GALNT2: variants seen among roughly 807,000 people sequenced by gnomAD.
GALNT2 encodes polypeptide N-acetylgalactosaminyltransferase 2.
Under a neutral mutation model 81.4 loss-of-function variants are expected in GALNT2, and 31 were observed. The ratio of observed to expected loss-of-function variants is 0.38; its 90% CI spans 0.29 to 0.51. The LOEUF is 0.51. GALNT2 is among the 20% of genes least tolerant of loss of function. The pLI is 0.87. For missense variants in GALNT2, 629 were observed against 765.7 expected, an observed-to-expected ratio of 0.82 and a Z score of 2.11; for synonymous variants, 303 against 287.4, an observed-to-expected ratio of 1.05 and a Z score of -0.55.
intron 2 of GALNT2, among the ~76,000 whole-genome samples, chr1:230,191,003 C>T (rs1411218794): frequency 6.6e-6 from 1 of 152,178 alleles, no homozygotes; most frequent in Non-Finnish European, 1.5e-5. Context: ...GCCATTTTAT[C>T]TTCCACAGGG....
chr1:230,266,662 A>G (rs1216326096), intron 14 of GALNT2, among the ~76,000 whole-genome samples: 1 of 152,142 alleles, frequency 6.6e-6, no homozygotes, highest in African/African-American at 2.4e-5. Flanking sequence ...CCTAAATTAG[A>G]AGAGAGAGAG....
intron 1 of GALNT2, among the ~76,000 whole-genome samples, chr1:230,106,664 G>A (rs1175628809): frequency 6.6e-6 from 1 of 152,168 alleles, no homozygotes; most frequent in Non-Finnish European, 1.5e-5. Context: ...TGATATTATT[G>A]TTTGGCCTCT....
At chr1:230,215,332 C>T (rs114720807) in intron 3 of GALNT2, among the ~76,000 whole-genome samples, 6,743 of 152,328 alleles carry the variant, frequency 0.044, 195 homozygotes, top group Non-Finnish European at 0.064. Flanking sequence ...GGCTCTATGC[C>T]GTTTGAGGGG....
At chr1:230,220,281 G>T (rs193084198) in intron 3 of GALNT2, among the ~76,000 whole-genome samples, 6 of 147,932 alleles carry the variant, frequency 4.1e-5, no homozygotes, top group African/African-American at 1.2e-4. Context: ...AGGTGTTTTT[G>T]TTTTTTTTTT....
intron 1 of GALNT2, among the ~76,000 whole-genome samples, chr1:230,126,373 G>A (rs995603563): frequency 4.6e-5 from 7 of 152,186 alleles, no homozygotes; most frequent in Non-Finnish European, 8.8e-5. Flanking sequence ...TTTGGGGCCC[G>A]CTGGGGTGCT....
chr1:230,084,591 G>A (rs1023236669), intron 1 of GALNT2, among the ~76,000 whole-genome samples: 2 of 152,108 alleles, frequency 1.3e-5, no homozygotes, highest in African/African-American at 4.8e-5. Context: ...ATGAGGCTGA[G>A]ACTGGTGGGC....
In GALNT2 at chr1:230,193,674, C is replaced by G. The variant is rs1485949829; in HGVS notation, c.221-9463C>G. ...TTGGAAAGGTAGCATTATTTTAAAC[C>G]AACATTTATTTGAACAAGTCATCCA... is the stretch of plus-strand genomic sequence containing the variant. On this transcript the variant is annotated intron_variant, in intron 2 of 15. Coordinates refer to ENST00000366672, the MANE Select transcript of GALNT2 (RefSeq NM_004481.5). The surrounding 1 kb of genome is among the most constrained non-coding windows in gnomAD (Gnocchi z 4.3). 6.6e-6 allele frequency among the ~76,000 whole-genome samples: 1 copy of G among 151,974 alleles called. No homozygotes were observed. Among genetic ancestry groups the G allele is most frequent in the African/African-American group, 2.4e-5 (1 of 41,358 alleles).
intron 11 of GALNT2, among the ~76,000 whole-genome samples, chr1:230,260,301 T>G (rs1313975209): frequency 6.6e-6 from 1 of 152,226 alleles, no homozygotes; most frequent in East Asian, 1.9e-4. Context: ...GCACTGAGAC[T>G]GTTTGGTGTA....
In GALNT2 at chr1:230,222,031, C is replaced by CTTTTTTT. The variant is rs564681409; in HGVS notation, c.375-13976_375-13970dup. Among the ~76,000 whole-genome samples the CTTTTTTT allele has an allele frequency of 3.5e-4, 34 of 96,128 alleles. 5 individuals are homozygous for CTTTTTTT. Among genetic ancestry groups the CTTTTTTT allele is most frequent in the African/African-American group, 1.3e-3 (25 of 19,570 alleles). 63.1% of individuals were successfully genotyped at this position (96,128 alleles called of 152,430 possible). A position where few individuals can be genotyped will look rare whatever the true frequency, so the allele number is the denominator to read the frequency against. On this transcript the variant is annotated intron_variant, in intron 3 of 15. Transcript: ENST00000366672. Reference sequence around the variant, plus strand: ...TTTATATACATTTCACTGCTTTTCTCTTTTTTTTTTTTTGAGACAGAGTCT... The same window carrying CTTTTTTT: ...TTTATATACATTTCACTGCTTTTCTCTTTTTTTTTTTTTTTTTTTTGAGACAGAGTCT...
At chr1:230,170,372 A>G (rs1662751877) in intron 1 of GALNT2, among the ~76,000 whole-genome samples, 1 of 152,318 alleles carries the variant, frequency 6.6e-6, no homozygotes, top group Admixed American at 6.5e-5. Context: ...TTCTATTCTA[A>G]TGATGAGTAG....
upstream of GALNT2, among the ~76,000 whole-genome samples, chr1:230,063,521 G>A (rs977593914): frequency 6.6e-6 from 1 of 152,116 alleles, no homozygotes; most frequent in African/African-American, 2.4e-5. Flanking sequence ...GTCACATCTA[G>A]CTATTCTTCT....
intron 1 of GALNT2, among the ~76,000 whole-genome samples, chr1:230,083,189 A>G (rs1315163368): frequency 2.9e-5 from 4 of 138,746 alleles, no homozygotes; most frequent in East Asian, 2.3e-4. Flanking sequence ...ATGATGGAGC[A>G]GGGAGCCAGG....
rs1355781583 is a variant in GALNT2 at position 230,279,634 on chromosome 1, C to A, written c.*176C>A. On this transcript the variant is annotated 3_prime_UTR_variant, in exon 16 of 16. Coordinates refer to ENST00000366672, the MANE Select transcript of GALNT2 (RefSeq NM_004481.5). The surrounding 1 kb of genome is among the most constrained non-coding windows in gnomAD (Gnocchi z 4.6). ...GACGACTGTGCAGACACAGCAGCGG[C>A]AAGAAGCGAGAACTGCCCTCCCCCT... 15 of 795,140 alleles carry A rather than the reference C, an allele frequency of 1.9e-5. No homozygotes were observed. The highest frequency in any genetic ancestry group is 2.9e-5 in the Non-Finnish European group (15 of 515,266). The allele number at this position is 795,140 out of a possible 1,614,324, so 49.3% of individuals were successfully genotyped here.
intron 8 of GALNT2, among the ~76,000 whole-genome samples, chr1:230,248,412 T>G (rs972641865): frequency 2.6e-5 from 4 of 152,170 alleles, no homozygotes; most frequent in Non-Finnish European, 5.9e-5. Flanking sequence ...GGCCTCCTGA[T>G]GCACCAGGAC....
At chr1:230,115,467 A>T (rs1660818359) in intron 1 of GALNT2, among the ~76,000 whole-genome samples, 1 of 152,210 alleles carries the variant, frequency 6.6e-6, no homozygotes, top group Non-Finnish European at 1.5e-5. Context: ...GCCGTCTGTG[A>T]ATAGGGCAGT....
chr1:230,127,770 G>A (rs1357413066), intron 1 of GALNT2, among the ~76,000 whole-genome samples: 1 of 152,028 alleles, frequency 6.6e-6, no homozygotes, highest in Non-Finnish European at 1.5e-5. Flanking sequence ...CCCGTGCTCA[G>A]TTCATCAGAA....
At chr1:230,235,458 C>A (rs1664998463) in intron 3 of GALNT2, among the ~76,000 whole-genome samples, 1 of 152,188 alleles carries the variant, frequency 6.6e-6, no homozygotes, top group Non-Finnish European at 1.5e-5. Context: ...CATCTCACCA[C>A]TGCCCTTTGG....
At chr1:230,153,023 A>G (rs1281797121) in intron 1 of GALNT2, among the ~76,000 whole-genome samples, 1 of 152,218 alleles carries the variant, frequency 6.6e-6, no homozygotes, top group African/African-American at 2.4e-5. Context: ...TGACTTGGCT[A>G]AACTGCGTTC....
chr1:230,210,106 G>A (rs1327907393), intron 3 of GALNT2, among the ~76,000 whole-genome samples: 2 of 152,172 alleles, frequency 1.3e-5, no homozygotes, highest in East Asian at 3.8e-4. Flanking sequence ...TCAGGCTGGA[G>A]CGTTTCCGGG....
Sources: gnomAD v4.1 joint callset for allele counts (sites outside exome capture counted in the v4.1 genomes callset) on GRCh38, gnomAD v4.1.1 for gene constraint, Gnocchi (gnomAD v3.1) non-coding constraint, MANE v1.5 for transcripts, NCBI Gene and HGNC (gene_info 2026-07-23, HGNC 2026-07-21) for gene names.